TIMMDC1: variants seen among roughly 807,000 people sequenced by gnomAD.
The protein encoded by TIMMDC1 is complex I assembly factor TIMMDC1, mitochondrial.
Under a neutral mutation model 32.6 loss-of-function variants are expected in TIMMDC1, and 25 were observed. That is an observed-to-expected ratio of 0.77 (90% CI 0.56 to 1.07). TIMMDC1 has a LOEUF of 1.07. TIMMDC1 is among the 50% of genes least tolerant of loss of function. The pLI is 0.00. For missense variants in TIMMDC1, 329 were observed against 349.2 expected (o/e 0.94, Z 0.46); for synonymous variants, 130 against 127.6 (o/e 1.02, Z -0.13).
intron 6 of TIMMDC1, among the ~76,000 whole-genome samples, chr3:119,522,153 G>A (rs763317435): frequency 1.3e-5 from 2 of 152,224 alleles, no homozygotes; most frequent in African/African-American, 2.4e-5. Context: ...TGGAATCAAC[G>A]TCAGTGTCCA....
At chr3:119,503,303 CAGAT>C (rs1167805110) in intron 2 of TIMMDC1, among the ~76,000 whole-genome samples, 1 of 152,176 alleles carries the variant, frequency 6.6e-6, no homozygotes, top group East Asian at 1.9e-4. Context: ...TCTCAAGTAT[CAGAT>C]AAGGGATACT....
chr3:119,500,548 A>G, intron 1 of TIMMDC1, 147 bp from the exon 2 acceptor site: 1 of 684,246 alleles, frequency 1.5e-6, no homozygotes. Context: ...CTTTTAATAT[A>G]ACTGAACTGT....
rs1348229535 is a variant in TIMMDC1, at chr3:119,524,021, C to T, written c.*265C>T. 2 of 267,190 alleles carry T rather than the reference C, an allele frequency of 7.5e-6. No individual in the cohort carries two copies. Among genetic ancestry groups the T allele is most frequent in the Non-Finnish European group, 1.4e-5 (2 of 142,968 alleles). The allele number at this position is 267,190 out of a possible 1,614,324, so 16.6% of individuals were successfully genotyped here. On this transcript the variant is annotated 3_prime_UTR_variant, in exon 7 of 7. Transcript: ENST00000494664. Reference sequence around the variant, plus strand: ...ATATGCATACATGAATATATCCACCCACCTAGATTTTAAGCAGTAAATAAA... The same window carrying T: ...ATATGCATACATGAATATATCCACCTACCTAGATTTTAAGCAGTAAATAAA...
At chr3:119,511,657 A>G (rs990709592) in intron 4 of TIMMDC1, among the ~76,000 whole-genome samples, 3 of 152,226 alleles carry the variant, frequency 2.0e-5, no homozygotes, top group African/African-American at 7.2e-5. Flanking sequence ...TATGGAAGAC[A>G]TTAAATGTAA....
chr3:119,505,042 C>T (rs1306225287), intron 4 of TIMMDC1, among the ~76,000 whole-genome samples: 2 of 148,754 alleles, frequency 1.3e-5, no homozygotes, highest in African/African-American at 5.0e-5. Flanking sequence ...CACGCCATTG[C>T]ACTCCAACCT....
intron 1 of TIMMDC1, among the ~76,000 whole-genome samples, chr3:119,500,096 CTGAG>C (rs1215292677): frequency 2.6e-5 from 4 of 152,132 alleles, no homozygotes; most frequent in Non-Finnish European, 4.4e-5. Context: ...ACAGTCCTAT[CTGAG>C]TATTTCATGA....
chr3:119,508,819 T>G (rs924185096), intron 4 of TIMMDC1, among the ~76,000 whole-genome samples: 5 of 152,232 alleles, frequency 3.3e-5, no homozygotes, highest in African/African-American at 1.2e-4. Context: ...CTTTGGCATT[T>G]CAATATCTGA....
In TIMMDC1 at chr3:119,517,282, G is replaced by T; in HGVS notation, c.674G>T (p.Arg225Leu). The part of the protein sequence containing the change: ...ETVQERKQKD[R>L]KALHELKLEE... ...GTTCAGGAAAGAAAACAGAAGGATC[G>T]AAAGGCACTCCATGAGCTAAAACTG... The change falls in exon 6 of 7, where the codon CGA becomes CTA. Residue 225 changes from arginine (R) to leucine (L), a missense_variant. Arg to Leu is a moderately radical substitution (Grantham distance 102, BLOSUM62 -2). Transcript: ENST00000494664. The T allele has an allele frequency of 6.2e-7, 1 of 1,613,568 alleles. No individual in the cohort carries two copies. Among genetic ancestry groups the T allele is most frequent in the Non-Finnish European group, 8.5e-7 (1 of 1,179,592 alleles).
At chr3:119,515,196 A>G (rs9836326) in intron 5 of TIMMDC1, among the ~76,000 whole-genome samples, 119,034 of 147,134 alleles carry the variant, frequency 0.81, 48,266 homozygotes, top group East Asian at 0.87. Context: ...GCAACAGAGT[A>G]AGACTCCATC....
intron 5 of TIMMDC1, among the ~76,000 whole-genome samples, chr3:119,515,250 C>T (rs1340132697): frequency 1.3e-5 from 2 of 151,098 alleles, no homozygotes; most frequent in African/African-American, 4.9e-5. Context: ...AAAGAATTTA[C>T]TTCCTTGTGC....
chr3:119,507,704 A>C (rs905267391), intron 4 of TIMMDC1, among the ~76,000 whole-genome samples: 9 of 152,146 alleles, frequency 5.9e-5, no homozygotes, highest in Non-Finnish European at 1.2e-4. Flanking sequence ...TTTGCCTTTT[A>C]GGATGCCTTG....
At chr3:119,502,014 T>A (rs1043826695) in intron 2 of TIMMDC1, among the ~76,000 whole-genome samples, 2 of 152,224 alleles carry the variant, frequency 1.3e-5, no homozygotes, top group Admixed American at 6.5e-5. Flanking sequence ...TAAGATGGCC[T>A]CTGCCAACTA....
intron 6 of TIMMDC1, among the ~76,000 whole-genome samples, chr3:119,521,437 C>T (rs2082026208): frequency 1.3e-5 from 2 of 152,050 alleles, no homozygotes; most frequent in Admixed American, 6.6e-5. Flanking sequence ...ATCCCAACTG[C>T]GTGGGAGGCT....
At chr3:119,514,746 C>T (rs2081974316) in intron 5 of TIMMDC1, among the ~76,000 whole-genome samples, 1 of 152,152 alleles carries the variant, frequency 6.6e-6, no homozygotes, top group African/African-American at 2.4e-5. Flanking sequence ...TGAAACAACA[C>T]CCTTGTAGTT....
At chr3:119,514,718 C>G (rs59805658) in intron 5 of TIMMDC1, among the ~76,000 whole-genome samples, 6,765 of 152,210 alleles carry the variant, frequency 0.044, 470 homozygotes, top group African/African-American at 0.15. Context: ...TTACCACAAA[C>G]TGAGCATGTA....
intron 6 of TIMMDC1, among the ~76,000 whole-genome samples, chr3:119,519,534 G>A (rs2082009864): frequency 6.6e-6 from 1 of 152,060 alleles, no homozygotes; most frequent in African/African-American, 2.4e-5. Context: ...ATGGTAAAGA[G>A]ATCAATTCAG....
At chr3:119,510,836 G>A (rs989590860) in intron 4 of TIMMDC1, among the ~76,000 whole-genome samples, 1 of 152,184 alleles carries the variant, frequency 6.6e-6, no homozygotes, top group African/African-American at 2.4e-5. Flanking sequence ...TTCTGAGTAG[G>A]AAGATATATA....
chr3:119,498,894 G>A lies in TIMMDC1; in HGVS notation c.161G>A (p.Gly54Glu). Residue 54 changes from glycine (G) to glutamate (E), a missense_variant, in exon 1 of 7, where the codon GGA (glycine) becomes GAA (glutamate). Physicochemically the swap from Gly to Glu is moderately conservative, Grantham distance 98. Transcript: ENST00000494664. ...CCAGAGCCCTATTACCCGGAATCTG[G>A]ATGGGACCGCCTCCGGGAGCTGTTT... ...YVPEPYYPES[G>E]WDRLRELFGK... is the part of the protein sequence containing the mutation. 1 of 1,614,006 alleles carries A rather than the reference G, an allele frequency of 6.2e-7. No homozygotes were observed. The highest frequency in any genetic ancestry group is 8.5e-7 in the Non-Finnish European group (1 of 1,179,978).
At chr3:119,519,986 TA>T (rs1156299108) in intron 6 of TIMMDC1, among the ~76,000 whole-genome samples, 2 of 152,046 alleles carry the variant, frequency 1.3e-5, no homozygotes, top group African/African-American at 4.8e-5. Flanking sequence ...ACACAGAAAT[TA>T]AATAATATGC....
Sources: allele counts gnomAD v4.1 joint callset (sites outside exome capture counted in the v4.1 genomes callset), GRCh38; gene constraint gnomAD v4.1.1; transcripts MANE v1.5; gene names NCBI Gene and HGNC (gene_info 2026-07-23, HGNC 2026-07-21).